NOSTRIN: variants seen among roughly 807,000 people sequenced by gnomAD.
NOSTRIN encodes the protein BM247 homolog.
In NOSTRIN, 63 loss-of-function variants were observed where a neutral mutation model predicts 59.0. That is an observed-to-expected ratio of 1.07 (90% confidence interval 0.87 to 1.32). NOSTRIN has a LOEUF of 1.32. Among genes scored for constraint, NOSTRIN ranks in the 40% most tolerant of loss-of-function variants. The probability of loss-of-function intolerance (pLI) is 0.00; values close to 1 mark genes in which losing one functional copy is unlikely to be tolerated. For missense variants in NOSTRIN, 512 were observed against 473.1 expected (o/e 1.08, Z -0.76); for synonymous variants, 200 against 165.4 (o/e 1.21, Z -1.61).
intron 1 of NOSTRIN, among the ~76,000 whole-genome samples, chr2:168,803,340 G>A (rs1042554639): frequency 6.6e-6 from 1 of 152,160 alleles, no homozygotes; most frequent in African/African-American, 2.4e-5. Flanking sequence ...TAAAGGGGGG[G>A]ATATGTTTAC....
chr2:168,788,532 G>A (rs912987402), intron 2 of NOSTRIN, among the ~76,000 whole-genome samples: 1 of 152,120 alleles, frequency 6.6e-6, no homozygotes, highest in Non-Finnish European at 1.5e-5. Context: ...GTTGGAGGAG[G>A]AAGCATGAAG....
intron 7 of NOSTRIN, among the ~76,000 whole-genome samples, chr2:168,835,299 G>A (rs28815499): frequency 0.014 from 2,206 of 152,176 alleles, 50 homozygotes; most frequent in African/African-American, 0.05. Flanking sequence ...GGCTGGTCTC[G>A]AACTCCTGAC....
At chr2:168,844,849 G>A (rs1688316422) in intron 8 of NOSTRIN, among the ~76,000 whole-genome samples, 1 of 147,972 alleles carries the variant, frequency 6.8e-6, no homozygotes, top group South Asian at 2.2e-4. Flanking sequence ...TAGCCTAGGC[G>A]ACAGAGCAAG....
At chr2:168,854,025 G>A (rs59686285) in intron 10 of NOSTRIN, among the ~76,000 whole-genome samples, 12,834 of 151,934 alleles carry the variant, frequency 0.084, 977 homozygotes, top group African/African-American at 0.2. Flanking sequence ...ACACCACCAC[G>A]CCCGGCTAAT....
At chr2:168,795,961 T>A (rs78862548), upstream of NOSTRIN, among the ~76,000 whole-genome samples, 11,521 of 152,156 alleles carry the variant, frequency 0.076, 530 homozygotes, top group Middle Eastern at 0.16. Context: ...CCTTAAAAAA[T>A]TTTTTTTAAA....
chr2:168,834,512 C>CACACACGCGCAT (rs1687594569), intron 7 of NOSTRIN, among the ~76,000 whole-genome samples, 187 bp downstream of exon 7: 1 of 116,024 alleles, frequency 8.6e-6, no homozygotes, highest in South Asian at 3.0e-4. Context: ...CGCGCGCACA[C>CACACACGCGCAT]ACACACACAC....
At chr2:168,797,932 T>C (rs527823049), upstream of NOSTRIN, among the ~76,000 whole-genome samples, 152 of 152,244 alleles carry the variant, frequency 1.0e-3, no homozygotes, top group African/African-American at 3.5e-3. Context: ...CCATGGGGCA[T>C]TGGTTTCAGG....
At chr2:168,846,516 T>A (rs1035961490) in intron 8 of NOSTRIN, among the ~76,000 whole-genome samples, 1 of 152,204 alleles carries the variant, frequency 6.6e-6, no homozygotes, top group African/African-American at 2.4e-5. Context: ...CTATAAGTAA[T>A]GAAACCAATT....
chr2:168,834,669 A>T (rs1425239363), intron 7 of NOSTRIN, among the ~76,000 whole-genome samples: 1 of 152,058 alleles, frequency 6.6e-6, no homozygotes, highest in African/African-American at 2.4e-5. Flanking sequence ...AGCTGGGACT[A>T]CAGGAGCATG....
At chr2:168,845,368 C>A (rs1331450030) in intron 8 of NOSTRIN, among the ~76,000 whole-genome samples, 2 of 152,152 alleles carry the variant, frequency 1.3e-5, no homozygotes, top group African/African-American at 4.8e-5. Context: ...CTTCCAGGCA[C>A]CCACCCTTCA....
intron 6 of NOSTRIN, among the ~76,000 whole-genome samples, chr2:168,833,524 C>T (rs1271088213): frequency 6.6e-6 from 1 of 152,208 alleles, no homozygotes. Flanking sequence ...CCAACTTAAA[C>T]CAAATTCTGT....
chr2:168,831,396 G>C (rs1687353189), intron 5 of NOSTRIN, 76 bp from the exon 6 acceptor site: 1 of 778,742 alleles, frequency 1.3e-6, no homozygotes, highest in Non-Finnish European at 2.3e-6. Flanking sequence ...CATTTTAGGG[G>C]CACGAACATT....
intron 1 of NOSTRIN, among the ~76,000 whole-genome samples, chr2:168,806,195 G>A (rs1685843101): frequency 6.6e-6 from 1 of 152,116 alleles, no homozygotes; most frequent in Admixed American, 6.5e-5. Flanking sequence ...AGTAAAGGCA[G>A]TCAGCAAAGT....
intron 3 of NOSTRIN, among the ~76,000 whole-genome samples, chr2:168,827,255 A>G (rs1417066474): frequency 6.6e-6 from 1 of 152,138 alleles, no homozygotes; most frequent in Non-Finnish European, 1.5e-5. Context: ...TGGAAGAAAA[A>G]TGACATCACA....
At chr2:168,794,578 C>T (rs1199901491), upstream of NOSTRIN, among the ~76,000 whole-genome samples, 1 of 152,026 alleles carries the variant, frequency 6.6e-6, no homozygotes. Context: ...GTCTTGATCT[C>T]CTGACCTTGT....
Position 168,855,636 on chromosome 2 carries a change from G to GC in NOSTRIN, c.964+178dup, listed in dbSNP as rs1374694588. ...AAAAAAAAGTAGAAGAAAAAAGAAA[G>GC]CCAAAAAAAAAAAAAAAAGGAAAAT... On this transcript the variant is annotated intron_variant, in intron 11 of 15. Coordinates refer to ENST00000317647, the MANE Select transcript of NOSTRIN (RefSeq NM_001039724.4). 12 of 32,656 alleles carry GC rather than the reference G, an allele frequency of 3.7e-4. No homozygotes were observed. The East Asian group carries it at 8.5e-3, about 23-fold the overall frequency. 2.0% of individuals were successfully genotyped at this position (32,656 alleles called of 1,614,324 possible). A position where few individuals can be genotyped will look rare whatever the true frequency, so the allele number is the denominator to read the frequency against.
rs1370922440 is a variant in NOSTRIN, at chr2:168,856,444, A to G, written c.965-246A>G. 8.4e-6 allele frequency: 4 copies of G among 475,986 alleles called. No individual in the cohort carries two copies. The Admixed American group carries it at 1.0e-4, about 12-fold the overall frequency. The allele number at this position is 475,986 out of a possible 1,614,324, so 29.5% of individuals were successfully genotyped here. On this transcript the variant is annotated intron_variant, in intron 11 of 15. Transcript: ENST00000317647. ...ACGAAAATTAGCCGGACATGGTGGC[A>G]TACACCTGTAATCCCAGCTACTCAA...
At chr2:168,796,926 A>T (rs900507804), upstream of NOSTRIN, among the ~76,000 whole-genome samples, 3 of 152,046 alleles carry the variant, frequency 2.0e-5, no homozygotes, top group African/African-American at 7.2e-5. Context: ...GAATGAAGTC[A>T]CTCTCTCAGT....
At chr2:168,819,509 C>T (rs138947288) in intron 2 of NOSTRIN, among the ~76,000 whole-genome samples, 4 of 152,276 alleles carry the variant, frequency 2.6e-5, no homozygotes, top group East Asian at 1.9e-4. Flanking sequence ...AGAATTTAAC[C>T]GTTAACATCT....
Sources: allele counts gnomAD v4.1 joint callset (sites outside exome capture counted in the v4.1 genomes callset), GRCh38; gene constraint gnomAD v4.1.1; transcripts MANE v1.5; gene names NCBI Gene and HGNC (gene_info 2026-07-23, HGNC 2026-07-21).